SLC5A11: variants seen among roughly 807,000 people sequenced by gnomAD.
The protein encoded by SLC5A11 is sodium/myo-inositol cotransporter 2.
A neutral mutation model predicts 69.8 loss-of-function variants in SLC5A11; 48 were observed. That is an observed-to-expected ratio of 0.69 (90% CI 0.55 to 0.87). The LOEUF is 0.87. Ranked by LOEUF, SLC5A11 falls within the 40% of genes least tolerant of loss-of-function variation. The pLI is 0.00. For synonymous variants in SLC5A11, 319 were observed against 342.4 expected (o/e 0.93, Z 0.75); for missense variants, 784 against 866.1 (o/e 0.91, Z 1.19).
chr16:24,864,582 T>C (rs1416819704), intron 3 of SLC5A11, among the ~76,000 whole-genome samples: 1 of 152,114 alleles, frequency 6.6e-6, no homozygotes, highest in Non-Finnish European at 1.5e-5. Flanking sequence ...CAAGAAATTA[T>C]AAGGCATGCA....
chr16:24,897,856 G>A (rs540789882), intron 9 of SLC5A11, 118 bp from the exon 11 acceptor site: 3 of 1,331,852 alleles, frequency 2.3e-6, no homozygotes, highest in African/African-American at 2.9e-5. Flanking sequence ...ATCTCCCACT[G>A]ACTCCCTCCC....
At chr16:24,890,877 G>A (rs1228176882) in exon 9 of SLC5A11, 7 of 1,613,936 alleles carry the variant, frequency 4.3e-6, no homozygotes, top group East Asian at 2.2e-5. Flanking sequence ...AGGTTTCGCC[G>A]CGGTTGGTGG....
intron 8 of SLC5A11, among the ~76,000 whole-genome samples, chr16:24,885,787 A>C (rs2048358563): frequency 6.6e-6 from 1 of 152,064 alleles, no homozygotes; most frequent in South Asian, 2.1e-4. Flanking sequence ...ACTCAGAAGA[A>C]AATATCAAGA....
rs76862859 is a variant in SLC5A11, at chr16:24,879,155, A to G, written c.583+1792A>G. Among the ~76,000 whole-genome samples the G allele has an allele frequency of 8.1e-3, 1,224 of 151,306 alleles. 17 individuals are homozygous for G. Among genetic ancestry groups the G allele is most frequent in the African/African-American group, 0.028 (1,158 of 41,270 alleles). On this transcript the variant is annotated intron_variant, in intron 7 of 15. Transcript: ENST00000347898. ...TTTTTTGGTTTTTTGTTTTTTTTTTACATAGAATATTCAGCTAAGGCCTCT... is the reference window on the plus strand; with the variant it reads ...TTTTTTGGTTTTTTGTTTTTTTTTTGCATAGAATATTCAGCTAAGGCCTCT...
intron 10 of SLC5A11, 91 bp downstream of exon 11, chr16:24,898,200 AT>A: frequency 6.8e-7 from 1 of 1,462,180 alleles, no homozygotes; most frequent in Non-Finnish European, 9.2e-7. Flanking sequence ...CCTCAAGAGA[AT>A]GTGACTACAG....
rs547724484 is a variant in SLC5A11, at chr16:24,878,068, G to C, written c.583+705G>C. On this transcript the variant is annotated intron_variant, in intron 7 of 15. Coordinates refer to ENST00000347898, the Ensembl canonical transcript of SLC5A11. ...CTCAGGAGGCTGAGGCAGGAGAATC[G>C]CTTGAACCCCGGTGGGGCGGACGTT... Among the ~76,000 whole-genome samples, 10 of 151,978 alleles carry C rather than the reference G, an allele frequency of 6.6e-5. No homozygotes were observed. In the South Asian group the frequency reaches 2.1e-3, roughly 32 times the overall value.
chr16:24,906,842 C>A, intron 11 of SLC5A11, 78 bp downstream of exon 12: 2 of 1,439,038 alleles, frequency 1.4e-6, no homozygotes, highest in Non-Finnish European at 9.5e-7. Flanking sequence ...TGATCCAAGG[C>A]AGGGTCAAGA....
intron 11 of SLC5A11, 123 bp from the exon 13 acceptor site, chr16:24,906,902 C>T (rs1597305710): frequency 2.8e-5 from 40 of 1,440,588 alleles, no homozygotes; most frequent in Non-Finnish European, 3.4e-5. Flanking sequence ...AGAAAGGCTA[C>T]GTCCTGCAGG....
intron 2 of SLC5A11, among the ~76,000 whole-genome samples, chr16:24,859,640 A>G (rs1431942161): frequency 1.3e-5 from 2 of 152,212 alleles, no homozygotes; most frequent in Non-Finnish European, 2.9e-5. Flanking sequence ...CCTCTTTCTT[A>G]AACAGAAGGT....
At chr16:24,864,972 AC>A (rs2046831886) in intron 3 of SLC5A11, among the ~76,000 whole-genome samples, 2 of 152,292 alleles carry the variant, frequency 1.3e-5, no homozygotes, top group Admixed American at 1.3e-4. Context: ...CAGAAAAAAA[AC>A]GAAGAGAAAC....
exon 14 of SLC5A11, chr16:24,909,019 T>A: frequency 6.2e-7 from 1 of 1,614,064 alleles, no homozygotes; most frequent in African/African-American, 1.3e-5. Context: ...CCTCTACTTC[T>A]CCATGATCCT....
chr16:24,858,478 T>A (rs987497152), intron 1 of SLC5A11, 142 bp from the exon 3 acceptor site: 1 of 567,258 alleles, frequency 1.8e-6, no homozygotes, highest in African/African-American at 1.9e-5. Flanking sequence ...TGGATGGATC[T>A]GTCTTCCCTG....
At chr16:24,894,667 G>C (rs1017702947) in intron 9 of SLC5A11, among the ~76,000 whole-genome samples, 7 of 152,232 alleles carry the variant, frequency 4.6e-5, no homozygotes, top group Non-Finnish European at 1.0e-4. Flanking sequence ...TGGGCATGGT[G>C]GTGGGCACCT....
At chr16:24,867,528 T>C (rs2046990974) in intron 3 of SLC5A11, among the ~76,000 whole-genome samples, 1 of 151,510 alleles carries the variant, frequency 6.6e-6, no homozygotes, top group Non-Finnish European at 1.5e-5. Context: ...AGAGTGGAGG[T>C]AAACAAAATG....
At chr16:24,846,857 A>G (rs1286443889) in intron 1 of SLC5A11, 1 of 152,264 alleles carries the variant, frequency 6.6e-6, no homozygotes, top group Non-Finnish European at 1.5e-5. Flanking sequence ...ATTTACTACA[A>G]CTGCAGCTGC....
At chr16:24,856,909 C>T (rs1052978067) in intron 1 of SLC5A11, among the ~76,000 whole-genome samples, 3 of 152,132 alleles carry the variant, frequency 2.0e-5, no homozygotes, top group African/African-American at 7.2e-5. Context: ...CAACCTCCAC[C>T]TCCCAGATTC....
chr16:24,858,876 CTG>C, intron 2 of SLC5A11, 98 bp downstream of exon 3: 1 of 1,411,618 alleles, frequency 7.1e-7, no homozygotes, highest in Non-Finnish European at 9.4e-7. Flanking sequence ...AAGATACTGA[CTG>C]TGAGAGGAAG....
chr16:24,882,770 C>G (rs1422436092), intron 7 of SLC5A11, among the ~76,000 whole-genome samples: 2 of 152,154 alleles, frequency 1.3e-5, no homozygotes, highest in African/African-American at 4.8e-5. Flanking sequence ...CTCAGCCTCC[C>G]GAGTAGCTGG....
chr16:24,871,942 G>A (rs1027976497), intron 4 of SLC5A11, among the ~76,000 whole-genome samples: 3 of 152,084 alleles, frequency 2.0e-5, no homozygotes, highest in East Asian at 3.9e-4. Flanking sequence ...AGGAAGCATC[G>A]CAAAGGCCTT....
Sources: allele counts gnomAD v4.1 joint callset (sites outside exome capture counted in the v4.1 genomes callset), GRCh38; gene constraint gnomAD v4.1.1; transcripts MANE v1.5; gene names NCBI Gene and HGNC (gene_info 2026-07-23, HGNC 2026-07-21).